Variants in LRP1B observed in about 807,000 individuals in gnomAD.
The protein encoded by LRP1B is LDL receptor related protein 1B.
In LRP1B, 217 loss-of-function variants were observed where a neutral mutation model predicts 556.6. The observed-to-expected ratio is 0.39, with a 90% CI of 0.35 to 0.44. LRP1B has a LOEUF of 0.44. Among genes scored for constraint, LRP1B ranks in the 20% least tolerant of loss-of-function variants. The pLI, the probability that LRP1B is intolerant of heterozygous loss-of-function variation, is 1.00. For synonymous variants in LRP1B, 2,047 were observed against 1,865.8 expected (o/e 1.10, Z -2.50); for missense variants, 5,053 against 5,620.8 (o/e 0.90, Z 3.23).
chr2:141,327,196 T>C (rs1435014259), intron 3 of LRP1B, among the ~76,000 whole-genome samples: 1 of 152,124 alleles, frequency 6.6e-6, no homozygotes, highest in Non-Finnish European at 1.5e-5. Context: ...AGAGCAAAGA[T>C]AATGAGTTTG....
At chr2:141,001,111 C>G (rs1697408360) in intron 15 of LRP1B, among the ~76,000 whole-genome samples, 1 of 152,016 alleles carries the variant, frequency 6.6e-6, no homozygotes, top group South Asian at 2.1e-4. Context: ...GAATGCAAGT[C>G]CCCTCCCCCT....
At chr2:140,928,637 A>G (rs953863842) in intron 20 of LRP1B, among the ~76,000 whole-genome samples, 1 of 152,174 alleles carries the variant, frequency 6.6e-6, no homozygotes, top group African/African-American at 2.4e-5. Context: ...TGTCCCAGGA[A>G]GTACAACCTT....
At chr2:140,722,350 G>A (rs531395516) in intron 35 of LRP1B, among the ~76,000 whole-genome samples, 7 of 152,226 alleles carry the variant, frequency 4.6e-5, no homozygotes, top group Middle Eastern at 3.4e-3. Context: ...ATACCTACCC[G>A]GAGGTAAAAT....
intron 41 of LRP1B, among the ~76,000 whole-genome samples, chr2:140,693,862 C>T (rs971595144): frequency 5.9e-5 from 9 of 152,066 alleles, no homozygotes; most frequent in Non-Finnish European, 1.3e-4. Context: ...CATACGACAA[C>T]ATGCCCAGCT....
At chr2:141,263,624 A>G (rs558907733) in intron 3 of LRP1B, among the ~76,000 whole-genome samples, 2 of 152,284 alleles carry the variant, frequency 1.3e-5, no homozygotes, top group South Asian at 4.1e-4. Context: ...TCTAGAAAAC[A>G]GAAAGAAAGA....
chr2:141,373,671 G>A (rs1390483315), intron 3 of LRP1B, among the ~76,000 whole-genome samples: 1 of 151,354 alleles, frequency 6.6e-6, no homozygotes, highest in Admixed American at 6.6e-5. Flanking sequence ...CTTGCTTTTG[G>A]TTTCCATTTG....
intron 20 of LRP1B, among the ~76,000 whole-genome samples, chr2:140,928,263 A>G (rs2105266815): frequency 6.6e-6 from 1 of 152,336 alleles, no homozygotes; most frequent in South Asian, 2.1e-4. Context: ...TGCTGTGAAG[A>G]AAACGGATCA....
intron 84 of LRP1B, among the ~76,000 whole-genome samples, chr2:140,278,622 C>T (rs1474488301): frequency 6.6e-6 from 1 of 151,766 alleles, no homozygotes; most frequent in Admixed American, 6.6e-5. Context: ...AAATGGAATC[C>T]AAGACTGTAA....
At chr2:140,649,950 T>C (rs1367920697) in intron 41 of LRP1B, among the ~76,000 whole-genome samples, 1 of 152,216 alleles carries the variant, frequency 6.6e-6, no homozygotes, top group Admixed American at 6.5e-5. Flanking sequence ...TGTCATTCAA[T>C]TTACTCTATC....
intron 43 of LRP1B, among the ~76,000 whole-genome samples, chr2:140,592,409 C>A (rs993329398): frequency 2.1e-4 from 32 of 151,460 alleles, no homozygotes; most frequent in Admixed American, 1.5e-3. Context: ...GAAATGGATG[C>A]TTATACTTAT....
At chr2:142,071,909 C>T (rs559977334) in intron 1 of LRP1B, among the ~76,000 whole-genome samples, 4 of 152,068 alleles carry the variant, frequency 2.6e-5, no homozygotes, top group African/African-American at 7.2e-5. Flanking sequence ...ATGGAGATTA[C>T]TAACTTCAGC....
At chr2:141,482,200 T>C (rs1186332078) in intron 2 of LRP1B, among the ~76,000 whole-genome samples, 1 of 152,160 alleles carries the variant, frequency 6.6e-6, no homozygotes, top group Non-Finnish European at 1.5e-5. Flanking sequence ...AAGTTAAATA[T>C]AATTTTGAAA....
At chr2:141,540,961 T>C (rs1015359547) in intron 2 of LRP1B, among the ~76,000 whole-genome samples, 1 of 151,892 alleles carries the variant, frequency 6.6e-6, no homozygotes, top group African/African-American at 2.4e-5. Context: ...ATGCAAGACA[T>C]ACTATATAGC....
At chr2:140,534,325 G>A (rs532337099) in intron 46 of LRP1B, among the ~76,000 whole-genome samples, 185 bp from the exon 47 acceptor site, 11 of 152,138 alleles carry the variant, frequency 7.2e-5, no homozygotes, top group Middle Eastern at 3.4e-3. Context: ...ATTCAGCAAG[G>A]GCCCTTTTTG....
At chr2:141,839,995 T>C (rs1558910246) in intron 1 of LRP1B, among the ~76,000 whole-genome samples, 3 of 152,164 alleles carry the variant, frequency 2.0e-5, no homozygotes, top group Admixed American at 1.3e-4. Flanking sequence ...AATGAGTTTT[T>C]AATGCCCTCT....
intron 72 of LRP1B, among the ~76,000 whole-genome samples, chr2:140,363,104 C>T (rs529735303): frequency 1.3e-5 from 2 of 151,702 alleles, no homozygotes; most frequent in Admixed American, 1.3e-4. Context: ...GTGCCTTTTC[C>T]ATACTTTTAA....
intron 35 of LRP1B, among the ~76,000 whole-genome samples, chr2:140,749,377 T>A (rs1438083307): frequency 1.5e-5 from 1 of 65,188 alleles, no homozygotes; most frequent in Non-Finnish European, 3.4e-5. Flanking sequence ...CTTTTAAACA[T>A]TTTTTTTTTA....
At chr2:140,561,530 C>T (rs1680930041) in intron 43 of LRP1B, among the ~76,000 whole-genome samples, 1 of 152,106 alleles carries the variant, frequency 6.6e-6, no homozygotes, top group South Asian at 2.1e-4. Context: ...CTCTTGTTAG[C>T]CTATCTTTTG....
At position 142,130,750 on chromosome 2, in the gene LRP1B, G is replaced by A. The variant is rs768506153; in HGVS notation, c.-21C>T. Reference sequence around the variant, plus strand: ...GACATTGTGGTCGCCCGGTAAGGAAGCCTGCGCTGGAGACTGCTCGGCGGC... The same window carrying A: ...GACATTGTGGTCGCCCGGTAAGGAAACCTGCGCTGGAGACTGCTCGGCGGC... On this transcript the variant is annotated 5_prime_UTR_variant, in exon 1 of 91. Transcript: ENST00000389484. The A allele has an allele frequency of 1.3e-6, 2 of 1,598,698 alleles. No homozygotes were observed. The highest frequency in any genetic ancestry group is 1.7e-5 in the Admixed American group (1 of 59,038).
Sources: gnomAD v4.1 joint callset for allele counts (sites outside exome capture counted in the v4.1 genomes callset) on GRCh38, gnomAD v4.1.1 for gene constraint, MANE v1.5 for transcripts, NCBI Gene and HGNC (gene_info 2026-07-23, HGNC 2026-07-21) for gene names.